Variants in CYP4B1 observed in about 807,000 individuals in gnomAD.
CYP4B1 encodes cytochrome P450 family 4 subfamily B member 1, also known as cytochrome P450 4B1.
In CYP4B1, 45 loss-of-function variants were observed where a neutral mutation model predicts 54.0. The ratio of observed to expected loss-of-function variants is 0.83; its 90% CI spans 0.66 to 1.07. The LOEUF (loss-of-function observed/expected upper bound fraction) is 1.07, where lower values mean the gene tolerates loss of function less well. Among genes scored for constraint, CYP4B1 ranks in the 50% least tolerant of loss-of-function variants. The probability of loss-of-function intolerance (pLI) is 0.00; values close to 1 mark genes in which losing one functional copy is unlikely to be tolerated. For synonymous variants in CYP4B1, 248 were observed against 247.5 expected, an observed-to-expected ratio of 1.00 and a Z score of -0.02; for missense variants, 656 against 655.4, an observed-to-expected ratio of 1.00 and a Z score of -0.01.
intron 1 of CYP4B1, among the ~76,000 whole-genome samples, chr1:46,800,896 C>T (rs1557485759): frequency 6.6e-6 from 1 of 152,220 alleles, no homozygotes; most frequent in Non-Finnish European, 1.5e-5. Flanking sequence ...GAAGGGAAAA[C>T]AGACACCAGA....
chr1:46,818,621 C>G lies in CYP4B1; in HGVS notation c.1356-10C>G. The stretch of plus-strand genomic sequence containing the variant: ...CATTGCACGATGACTCTTTGTGCTG[C>G]TTGCTACAGGAACTGCATTGGGCAG... On this transcript the variant is annotated splice_polypyrimidine_tract_variant and intron_variant, in intron 11 of 11. Transcript: ENST00000371923. 6.2e-7 allele frequency: 1 copy of G among 1,613,962 alleles called. No individual in the cohort carries two copies. The highest frequency in any genetic ancestry group is 8.5e-7 in the Non-Finnish European group (1 of 1,179,822).
rs1156302747 is a variant in CYP4B1, at chr1:46,817,908, G to A, written c.1208-57G>A. On this transcript the variant is annotated intron_variant, in intron 9 of 11. Coordinates refer to ENST00000371923, the MANE Select transcript of CYP4B1 (RefSeq NM_001099772.2). ...TCACTAGGGGACTCTGACCTTATGTGGAGGTAGGCCTGGCTACCCAGGACT... is the reference window on the plus strand; with the variant it reads ...TCACTAGGGGACTCTGACCTTATGTAGAGGTAGGCCTGGCTACCCAGGACT... The A allele has an allele frequency of 8.7e-6, 13 of 1,496,654 alleles. No individual in the cohort carries two copies. The Admixed American group carries it at 1.5e-4, about 17-fold the overall frequency. The allele number at this position is 1,496,654 out of a possible 1,614,324, so 92.7% of individuals were successfully genotyped here.
chr1:46,799,202 A>G lies in CYP4B1; in HGVS notation c.121A>G (p.Lys41Glu), dbSNP rs1243787367. ...GCTGCTGCGGAGGCAGACGTTGGCT[A>G]AGGCTATGGACAAATTCCCAGGGCC... ...HLLLRRQTLA[K>E]AMDKFPGPPT... The change falls in exon 1 of 12, where the codon AAG becomes GAG. Residue 41 changes from lysine to glutamate, a missense_variant. Lys to Glu is a moderately conservative substitution (Grantham distance 56). Coordinates refer to ENST00000371923, the MANE Select transcript of CYP4B1 (RefSeq NM_001099772.2). The G allele has an allele frequency of 6.2e-7, 1 of 1,608,574 alleles. No homozygotes were observed.
At chr1:46,813,719 G>A in intron 5 of CYP4B1, 113 bp downstream of exon 5, 1 of 1,503,088 alleles carries the variant, frequency 6.7e-7, no homozygotes, top group Non-Finnish European at 9.0e-7. Context: ...GCCCCAGGGA[G>A]CCTTAGCTTG....
intron 7 of CYP4B1, 101 bp downstream of exon 7, chr1:46,814,416 T>C (rs78212764): frequency 4.0e-6 from 3 of 745,328 alleles, no homozygotes. Flanking sequence ...ATTTCCCCCT[T>C]TCCTCAGCAA....
At chr1:46,803,078 G>A (rs1210968493) in intron 1 of CYP4B1, among the ~76,000 whole-genome samples, 2 of 152,196 alleles carry the variant, frequency 1.3e-5, no homozygotes, top group Admixed American at 6.5e-5. Flanking sequence ...GGTAGACGGG[G>A]CAGTCACACA....
intron 4 of CYP4B1, 148 bp from the exon 5 acceptor site, chr1:46,813,334 G>T (rs1265286325): frequency 2.2e-6 from 2 of 923,310 alleles, no homozygotes; most frequent in Non-Finnish European, 3.3e-6. Flanking sequence ...ATTCCAGCAG[G>T]ATGGAGGGCA....
rs1179013072 is a variant in CYP4B1 at position 46,811,161 on chromosome 1, A to G, written c.344A>G (p.Tyr115Cys). ...SRGDPKAPDV[Y>C]DFFLQWIGRG... The stretch of plus-strand genomic sequence containing the variant: ...GCAGACCCTAAGGCCCCTGATGTGT[A>G]TGACTTCTTCCTCCAGTGGATTGGT... Residue 115 changes from tyrosine to cysteine, a missense_variant, in exon 3 of 12, where the codon TAT becomes TGT. Tyr to Cys is a radical substitution (Grantham distance 194). Coordinates refer to ENST00000371923, the MANE Select transcript of CYP4B1 (RefSeq NM_001099772.2). 6.2e-7 allele frequency: 1 copy of G among 1,614,044 alleles called. No individual in the cohort carries two copies. Among genetic ancestry groups the G allele is most frequent in the Non-Finnish European group, 8.5e-7 (1 of 1,179,998 alleles).
chr1:46,805,932 A>G (rs1266440210), intron 1 of CYP4B1, among the ~76,000 whole-genome samples: 1 of 152,134 alleles, frequency 6.6e-6, no homozygotes, highest in African/African-American at 2.4e-5. Flanking sequence ...ATCCTGAAGG[A>G]GAGCAGTCCT....
intron 1 of CYP4B1, 38 bp from the exon 2 acceptor site, chr1:46,810,770 T>G: frequency 6.2e-7 from 1 of 1,612,716 alleles, no homozygotes; most frequent in Non-Finnish European, 8.5e-7. Context: ...GGTGACAATG[T>G]GTTCCTGAGT....
At position 46,813,141 on chromosome 1, in the gene CYP4B1, C is replaced by T. The variant is rs45579841; in HGVS notation, c.496-341C>T. ...AGTCTTTCCCCTTGTAGGAAACTCCCCTCCAGGATTACTTACATATACACC... is the reference window on the plus strand; with the variant it reads ...AGTCTTTCCCCTTGTAGGAAACTCCTCTCCAGGATTACTTACATATACACC... On this transcript the variant is annotated intron_variant, in intron 4 of 11. Transcript: ENST00000371923. 4.7e-3 allele frequency among the ~76,000 whole-genome samples: 721 copies of T among 152,326 alleles called. 9 individuals carry two copies. The highest frequency in any genetic ancestry group is 0.017 in the African/African-American group (686 of 41,570).
At position 46,818,629 on chromosome 1, in the gene CYP4B1, A is replaced by C. The variant is rs200196483; in HGVS notation, c.1356-2A>C. The C allele has an allele frequency of 8.1e-6, 13 of 1,614,098 alleles. No homozygotes were observed. In the East Asian group the frequency reaches 1.6e-4, roughly 19 times the overall value. On this transcript the variant is annotated splice_acceptor_variant, in intron 11 of 11. Coordinates refer to ENST00000371923, the MANE Select transcript of CYP4B1 (RefSeq NM_001099772.2). LOFTEE classifies it high-confidence loss of function. The stretch of plus-strand genomic sequence containing the variant: ...GATGACTCTTTGTGCTGCTTGCTAC[A>C]GGAACTGCATTGGGCAGCAGTTTGC...
chr1:46,806,563 A>C (rs1361479125), intron 1 of CYP4B1, among the ~76,000 whole-genome samples: 1 of 152,130 alleles, frequency 6.6e-6, no homozygotes, highest in Non-Finnish European at 1.5e-5. Context: ...ACCTTTAAAG[A>C]GAGGTCAGGG....
Position 46,818,015 on chromosome 1 carries a change from TG to T in CYP4B1, c.1260del (p.Trp420CysfsTer42), listed in dbSNP as rs1190774617. ...IYALHRNSAV[W>X]PDPEVFDSLR... ...TGCCCTCCATAGGAACAGTGCTGTA[TG>T]GCCCGACCCTGAGGTACCCTTTCCC... On this transcript the variant is annotated frameshift_variant, in exon 10 of 12. Coordinates refer to ENST00000371923, the MANE Select transcript of CYP4B1 (RefSeq NM_001099772.2). LOFTEE classifies it high-confidence loss of function. 3.7e-6 allele frequency: 6 copies of T among 1,614,058 alleles called. No homozygotes were observed. The Admixed American group carries it at 1.0e-4, about 27-fold the overall frequency.
At chr1:46,813,856 CTCTGCTCCTGGGCCAGTGT>C in intron 5 of CYP4B1, 34 bp from the exon 6 acceptor site, 6 of 1,595,006 alleles carry the variant, frequency 3.8e-6, no homozygotes, top group Non-Finnish European at 5.1e-6. Context: ...GTTTCTCTGG[CTCTGCTCCTGGGCCAGTGT>C]CTAAGCCAAT....
intron 1 of CYP4B1, among the ~76,000 whole-genome samples, chr1:46,805,611 G>A (rs3766204): frequency 2.0e-5 from 3 of 152,318 alleles, no homozygotes; most frequent in East Asian, 3.9e-4. Flanking sequence ...GCTCCCTGGG[G>A]TATTTTGCAT....
At chr1:46,817,611 G>C (rs555838093) in intron 9 of CYP4B1, among the ~76,000 whole-genome samples, 6 of 152,046 alleles carry the variant, frequency 3.9e-5, no homozygotes, top group African/African-American at 1.4e-4. Flanking sequence ...AATGATAGCT[G>C]TTACTGTTGG....
At chr1:46,800,970 C>T (rs1047018350) in intron 1 of CYP4B1, among the ~76,000 whole-genome samples, 5 of 152,176 alleles carry the variant, frequency 3.3e-5, no homozygotes, top group African/African-American at 1.2e-4. Flanking sequence ...TTATTTTGAT[C>T]TCAGCACCTG....
At chr1:46,807,621 G>T (rs771718673) in intron 1 of CYP4B1, among the ~76,000 whole-genome samples, 8 of 152,336 alleles carry the variant, frequency 5.3e-5, no homozygotes, top group Non-Finnish European at 1.0e-4. Context: ...TTATCACTTT[G>T]TGTTCTTTTT....
Sources: gnomAD v4.1 joint callset for allele counts (sites outside exome capture counted in the v4.1 genomes callset) on GRCh38, gnomAD v4.1.1 for gene constraint, MANE v1.5 for transcripts, NCBI Gene and HGNC (gene_info 2026-07-23, HGNC 2026-07-21) for gene names.